Variants in TECRL observed in about 807,000 individuals in gnomAD.
TECRL encodes trans-2,3-enoyl-CoA reductase-like.
TECRL carries 63 observed loss-of-function variants against 52.8 expected under a neutral mutation model. The observed-to-expected ratio is 1.19, with a 90% CI of 0.97 to 1.47. The LOEUF is 1.47. Among genes scored for constraint, TECRL ranks in the 40% most tolerant of loss-of-function variants. TECRL has a pLI of 0.00. For missense variants in TECRL, 482 were observed against 429.6 expected, an observed-to-expected ratio of 1.12 and a Z score of -1.08; for synonymous variants, 164 against 141.9, an observed-to-expected ratio of 1.16 and a Z score of -1.10.
Position 64,281,459 on chromosome 4 carries a change from A to G in TECRL, c.918+15T>C. Reference sequence around the variant, plus strand: ...ATGAATAGGATTCAAGCATTTACATACATAAATAACATACCTCATAGGTGT... The same window carrying G: ...ATGAATAGGATTCAAGCATTTACATGCATAAATAACATACCTCATAGGTGT... On this transcript the variant is annotated intron_variant, in intron 10 of 11. Coordinates refer to ENST00000381210, the MANE Select transcript of TECRL (RefSeq NM_001010874.5). The G allele has an allele frequency of 6.8e-7, 1 of 1,474,120 alleles. No homozygotes were observed. The highest frequency in any genetic ancestry group is 9.4e-7 in the Non-Finnish European group (1 of 1,063,470). 91.3% of individuals were successfully genotyped at this position (1,474,120 alleles called of 1,614,324 possible).
intron 1 of TECRL, among the ~76,000 whole-genome samples, chr4:64,402,187 A>G (rs1560563092): frequency 6.6e-6 from 1 of 152,080 alleles, no homozygotes; most frequent in Non-Finnish European, 1.5e-5. Context: ...ATGGCTTTCA[A>G]ATGTTTGAAT....
At chr4:64,359,464 T>G (rs549459231) in intron 2 of TECRL, among the ~76,000 whole-genome samples, 5 of 152,108 alleles carry the variant, frequency 3.3e-5, no homozygotes, top group Non-Finnish European at 7.4e-5. Context: ...TGTAATGTGT[T>G]GCTCACATTC....
At chr4:64,357,937 A>G (rs1439373817) in intron 2 of TECRL, among the ~76,000 whole-genome samples, 1 of 151,778 alleles carries the variant, frequency 6.6e-6, no homozygotes, top group Non-Finnish European at 1.5e-5. Flanking sequence ...GTGGGTAAAG[A>G]CCATGAACAT....
intron 3 of TECRL, among the ~76,000 whole-genome samples, chr4:64,325,180 A>G (rs1174137778): frequency 6.6e-6 from 1 of 152,220 alleles, no homozygotes; most frequent in Non-Finnish European, 1.5e-5. Flanking sequence ...AGCCAGCAAG[A>G]ACACAGGAAC....
chr4:64,309,991 G>A (rs566938244), intron 5 of TECRL, 60 bp from the exon 6 acceptor site: 87 of 1,055,690 alleles, frequency 8.2e-5, no homozygotes, highest in Non-Finnish European at 1.1e-4. Context: ...CTTGCCTCAT[G>A]CATGATACAT....
chr4:64,371,514 G>A (rs953386130), intron 2 of TECRL, among the ~76,000 whole-genome samples: 1 of 151,408 alleles, frequency 6.6e-6, no homozygotes. Flanking sequence ...AATTCGTGCT[G>A]CAGTTCCTAT....
At chr4:64,353,422 A>T (rs1325945811) in intron 2 of TECRL, among the ~76,000 whole-genome samples, 1 of 152,150 alleles carries the variant, frequency 6.6e-6, no homozygotes, top group Non-Finnish European at 1.5e-5. Context: ...AGGTATAAAG[A>T]CTTGAACTGT....
chr4:64,374,721 T>C (rs1211069793), intron 2 of TECRL, among the ~76,000 whole-genome samples: 1 of 152,118 alleles, frequency 6.6e-6, no homozygotes, highest in Non-Finnish European at 1.5e-5. Context: ...TTCATCCATG[T>C]CCCTACAAAG....
intron 5 of TECRL, among the ~76,000 whole-genome samples, chr4:64,313,837 TA>T (rs1180784774): frequency 6.7e-6 from 1 of 149,904 alleles, no homozygotes; most frequent in Non-Finnish European, 1.5e-5. Flanking sequence ...TTTTGACTTA[TA>T]AAAAGTAACT....
At chr4:64,291,415 C>T (rs544740364) in intron 8 of TECRL, among the ~76,000 whole-genome samples, 30 of 152,072 alleles carry the variant, frequency 2.0e-4, no homozygotes, top group African/African-American at 6.7e-4. Context: ...TTTTGTACAT[C>T]TTTCAACTTA....
chr4:64,294,450 C>A (rs1414971365), intron 8 of TECRL, among the ~76,000 whole-genome samples: 2 of 152,064 alleles, frequency 1.3e-5, no homozygotes, highest in African/African-American at 2.4e-5. Flanking sequence ...GGTTATGATG[C>A]GTCTTTGGCA....
At chr4:64,335,270 C>CATTAGATT (rs1577890734) in intron 2 of TECRL, among the ~76,000 whole-genome samples, 2 of 152,114 alleles carry the variant, frequency 1.3e-5, no homozygotes, top group East Asian at 3.9e-4. Context: ...TAAGTGGCAG[C>CATTAGATT]ATTAGATTCT....
intron 7 of TECRL, among the ~76,000 whole-genome samples, chr4:64,302,520 A>C (rs1405828639): frequency 6.6e-6 from 1 of 151,540 alleles, no homozygotes; most frequent in Admixed American, 6.6e-5. Flanking sequence ...GAAGGAGCAT[A>C]CCTTATATAA....
intron 1 of TECRL, among the ~76,000 whole-genome samples, chr4:64,399,381 G>A (rs1047355251): frequency 3.3e-5 from 5 of 152,214 alleles, no homozygotes; most frequent in East Asian, 1.9e-4. Flanking sequence ...CTGGCCACAC[G>A]GCATAGAAAA....
At chr4:64,398,694 G>A (rs113989578) in intron 1 of TECRL, among the ~76,000 whole-genome samples, 5,841 of 152,236 alleles carry the variant, frequency 0.038, 119 homozygotes, top group Non-Finnish European at 0.048. Flanking sequence ...CTAATGCAGG[G>A]TGAAGTATTG....
chr4:64,405,128 C>T (rs1724620574), intron 1 of TECRL, among the ~76,000 whole-genome samples: 3 of 151,954 alleles, frequency 2.0e-5, no homozygotes, highest in African/African-American at 7.2e-5. Flanking sequence ...AGAAGTAAAA[C>T]AAGGAAGCAT....
chr4:64,348,632 G>T (rs1250622378), intron 2 of TECRL, among the ~76,000 whole-genome samples: 1 of 152,088 alleles, frequency 6.6e-6, no homozygotes, highest in Non-Finnish European at 1.5e-5. Context: ...CATCAAAGTG[G>T]TCTGTACCCC....
At chr4:64,372,922 A>G (rs1479025055) in intron 2 of TECRL, among the ~76,000 whole-genome samples, 4 of 151,548 alleles carry the variant, frequency 2.6e-5, no homozygotes, top group African/African-American at 7.2e-5. Flanking sequence ...ATGTACTTTA[A>G]TAAGTATCCA....
chr4:64,328,290 T>C (rs529968463), intron 3 of TECRL, among the ~76,000 whole-genome samples: 1 of 152,122 alleles, frequency 6.6e-6, no homozygotes, highest in East Asian at 1.9e-4. Flanking sequence ...AATATTTTAG[T>C]TTCAGAATCT....
Sources: allele counts gnomAD v4.1 joint callset (sites outside exome capture counted in the v4.1 genomes callset), GRCh38; gene constraint gnomAD v4.1.1; transcripts MANE v1.5; gene names NCBI Gene and HGNC (gene_info 2026-07-23, HGNC 2026-07-21).